Variants in DHRS4L2 observed in about 807,000 individuals in gnomAD.
DHRS4L2 encodes the protein dehydrogenase/reductase 4 like 2, also known as dehydrogenase/reductase SDR family member 4-like 2.
DHRS4L2 carries 22 observed loss-of-function variants against 23.9 expected under a neutral mutation model. The observed-to-expected ratio is 0.92, with a 90% CI of 0.66 to 1.31. The LOEUF is 1.31. DHRS4L2 is among the 40% of genes most tolerant of loss of function. The pLI, the probability that DHRS4L2 is intolerant of heterozygous loss-of-function variation, is 0.00. For missense variants in DHRS4L2, 385 were observed against 303.3 expected, an observed-to-expected ratio of 1.27 and a Z score of -2.00; for synonymous variants, 141 against 123.7, an observed-to-expected ratio of 1.14 and a Z score of -0.93.
chr14:23,994,943 C>A lies in DHRS4L2; in HGVS notation c.307-89C>A, dbSNP rs1458701663. The A allele has an allele frequency of 3.3e-6, 5 of 1,507,466 alleles. No individual in the cohort carries two copies. The East Asian group carries it at 1.1e-4, about 34-fold the overall frequency. The allele number at this position is 1,507,466 out of a possible 1,614,324, so 93.4% of individuals were successfully genotyped here. ...TGATTACAGGCATGAGCCACAGCTC[C>A]TTGCCCAGAAGGAAGTTTTTATCAA... On this transcript the variant is annotated intron_variant, in intron 2 of 7. Coordinates refer to ENST00000335125, the MANE Select transcript of DHRS4L2 (RefSeq NM_198083.4).
upstream of DHRS4L2, chr14:23,988,898 T>G (rs753928341): frequency 1.1e-5 from 18 of 1,603,114 alleles, no homozygotes; most frequent in South Asian, 1.3e-4. Context: ...TTCGCCCTAC[T>G]CTGTCACCTC....
intron 1 of DHRS4L2, among the ~76,000 whole-genome samples, chr14:23,973,302 C>T (rs201153816): frequency 1.3e-5 from 2 of 151,974 alleles, no homozygotes; most frequent in East Asian, 3.9e-4. Context: ...CAAGGCCACA[C>T]CCACCCAGAA....
chr14:23,981,990 A>G (rs1272486997), intron 1 of DHRS4L2, among the ~76,000 whole-genome samples: 2 of 151,724 alleles, frequency 1.3e-5, no homozygotes, highest in African/African-American at 4.8e-5. Context: ...TCCCAGGGGC[A>G]GGCAGGAGAC....
chr14:24,001,114 C>A (rs762425758), intron 5 of DHRS4L2, 30 bp downstream of exon 5: 1 of 1,610,008 alleles, frequency 6.2e-7, no homozygotes, highest in African/African-American at 1.4e-5. Flanking sequence ...CCTCTTCCAT[C>A]CCACCCTCCA....
upstream of DHRS4L2, among the ~76,000 whole-genome samples, chr14:23,984,805 C>CA (rs568852943): frequency 0.39 from 26,090 of 66,982 alleles, 5,231 homozygotes; most frequent in African/African-American, 0.53. Flanking sequence ...GATGCCATCT[C>CA]AAAAAAAAAA....
At chr14:23,996,572 C>G (rs540342024) in intron 3 of DHRS4L2, among the ~76,000 whole-genome samples, 1 of 150,710 alleles carries the variant, frequency 6.6e-6, no homozygotes, top group East Asian at 2.0e-4. Context: ...TCAAAACTAC[C>G]CAGAGATTTG....
At chr14:23,978,213 AT>A (rs1167342616) in intron 1 of DHRS4L2, among the ~76,000 whole-genome samples, 4 of 151,412 alleles carry the variant, frequency 2.6e-5, no homozygotes, top group Admixed American at 2.0e-4. Context: ...AAAAATACAT[AT>A]TCATCCAGTG....
chr14:23,987,660 T>A (rs1444840635), upstream of DHRS4L2, among the ~76,000 whole-genome samples: 1 of 151,470 alleles, frequency 6.6e-6, no homozygotes, highest in Non-Finnish European at 1.5e-5. Flanking sequence ...AACAAAACAC[T>A]AACACACACA....
chr14:23,990,055 G>C, intron 1 of DHRS4L2, 127 bp from the exon 2 acceptor site: 2 of 1,425,082 alleles, frequency 1.4e-6, no homozygotes. Context: ...CACATAGTAG[G>C]CACACGTAGG....
Position 24,005,818 on chromosome 14 carries a change from C to T in DHRS4L2, c.*23-68C>T, listed in dbSNP as rs530202251. 168 of 1,585,676 alleles carry T rather than the reference C, an allele frequency of 1.1e-4. 4 individuals are homozygous for T. The highest frequency in any genetic ancestry group is 5.5e-4 in the African/African-American group (40 of 73,100). ...TCTTGATTAAGCAAATTTAACTCCC[C>T]GTGTCCCAGGTGAGGGAGGCAGACC... is the stretch of plus-strand genomic sequence containing the variant. On this transcript the variant is annotated intron_variant, in intron 7 of 7. Coordinates refer to ENST00000335125, the MANE Select transcript of DHRS4L2 (RefSeq NM_198083.4).
At chr14:23,979,104 T>A (rs1407973803) in intron 1 of DHRS4L2, among the ~76,000 whole-genome samples, 2 of 145,314 alleles carry the variant, frequency 1.4e-5, no homozygotes, top group African/African-American at 5.2e-5. Flanking sequence ...GGAGGAATAT[T>A]TACCAAGCAA....
At chr14:23,986,004 C>G (rs940688433), upstream of DHRS4L2, among the ~76,000 whole-genome samples, 3 of 151,530 alleles carry the variant, frequency 2.0e-5, no homozygotes, top group African/African-American at 7.3e-5. Context: ...TTGTCTCAAA[C>G]TCCAGACCAC....
chr14:24,000,793 C>T, intron 3 of DHRS4L2, 70 bp from the exon 4 acceptor site: 1 of 1,370,878 alleles, frequency 7.3e-7, no homozygotes, highest in Non-Finnish European at 1.0e-6. Flanking sequence ...CCCACTCTAA[C>T]TCCTCATTTT....
intron 1 of DHRS4L2, among the ~76,000 whole-genome samples, chr14:23,974,347 G>A (rs552492865): frequency 1.3e-5 from 2 of 151,478 alleles, no homozygotes; most frequent in South Asian, 4.2e-4. Flanking sequence ...AACTAGAGAA[G>A]CAAGAGCAAA....
intron 2 of DHRS4L2, chr14:23,991,050 C>G (rs1025142918): frequency 3.9e-5 from 10 of 256,794 alleles, no homozygotes; most frequent in Non-Finnish European, 6.1e-5. Context: ...GAAGCATTCA[C>G]AAAGGAAGCT....
intron 1 of DHRS4L2, chr14:23,970,442 C>A: frequency 2.8e-6 from 1 of 356,556 alleles, no homozygotes; most frequent in Non-Finnish European, 5.5e-6. Flanking sequence ...GTTCTATGAT[C>A]ACAGTGTAAA....
At chr14:24,001,596 G>C in intron 6 of DHRS4L2, 79 bp downstream of exon 6, 1 of 1,556,720 alleles carries the variant, frequency 6.4e-7, no homozygotes. Context: ...CCCACTACCT[G>C]AGTCCTGAGC....
intron 1 of DHRS4L2, among the ~76,000 whole-genome samples, chr14:23,981,918 G>A (rs1318679091): frequency 1.3e-5 from 2 of 151,732 alleles, no homozygotes; most frequent in Non-Finnish European, 2.9e-5. Flanking sequence ...CCACAGGGTG[G>A]TTGTTCTCCT....
intron 2 of DHRS4L2, chr14:23,990,982 A>G (rs1258772486): frequency 6.9e-6 from 5 of 729,546 alleles, no homozygotes; most frequent in Admixed American, 6.3e-5. Context: ...AAGAAAGTAC[A>G]TAAGTCAATG....
Sources: gnomAD v4.1 joint callset for allele counts (sites outside exome capture counted in the v4.1 genomes callset) on GRCh38, gnomAD v4.1.1 for gene constraint, MANE v1.5 for transcripts, NCBI Gene and HGNC (gene_info 2026-07-23, HGNC 2026-07-21) for gene names.